PCDHA5: variants seen among roughly 807,000 people sequenced by gnomAD.
The protein encoded by PCDHA5 is protocadherin alpha-5.
A neutral mutation model predicts 61.6 loss-of-function variants in PCDHA5; 43 were observed. That is an observed-to-expected ratio of 0.70 (90% CI 0.55 to 0.90). PCDHA5 has a LOEUF of 0.90. Ranked by LOEUF, PCDHA5 falls within the 40% of genes least tolerant of loss-of-function variation. The pLI is 0.00. For missense variants in PCDHA5, 1,298 were observed against 1,222.7 expected, an observed-to-expected ratio of 1.06 and a Z score of -0.92; for synonymous variants, 627 against 543.9, an observed-to-expected ratio of 1.15 and a Z score of -2.13.
chr5:140,837,239 ATTTATCTTCTT>A (rs1411047562), intron 1 of PCDHA5: 4 of 152,014 alleles, frequency 2.6e-5, no homozygotes, highest in Non-Finnish European at 1.5e-5. Context: ...TTTTACATCT[ATTTATCTTCTT>A]TTTATCATAT....
chr5:140,926,892 G>A (rs781956892), intron 1 of PCDHA5: 10 of 1,546,640 alleles, frequency 6.5e-6, no homozygotes, highest in African/African-American at 2.7e-5. Context: ...CTAGAGGGAG[G>A]ATGGTGGGCT....
rs533995955 is a variant in PCDHA5, at chr5:140,975,833, A to T, written c.2353-3116A>T. On this transcript the variant is annotated intron_variant, in intron 1 of 3. Coordinates refer to ENST00000529859, the MANE Select transcript of PCDHA5 (RefSeq NM_018908.3). ...TTAATAGGAACTGAAGTGTATTCTT[A>T]TTCTTCAGTAATACTACATCACCCA... 2.6e-5 allele frequency among the ~76,000 whole-genome samples: 4 copies of T among 152,336 alleles called. No individual in the cohort carries two copies. In the South Asian group the frequency reaches 8.3e-4, roughly 32 times the overall value.
chr5:140,996,262 C>G (rs943119390), intron 3 of PCDHA5, among the ~76,000 whole-genome samples: 1 of 152,182 alleles, frequency 6.6e-6, no homozygotes. Flanking sequence ...CAACACAGAG[C>G]CTGGGATTGC....
At chr5:140,875,906 C>T in intron 1 of PCDHA5, 1 of 1,614,204 alleles carries the variant, frequency 6.2e-7, no homozygotes, top group East Asian at 2.2e-5. Flanking sequence ...GTTTCTGAAT[C>T]TGCGCCTCTG....
intron 1 of PCDHA5, chr5:140,864,163 C>T (rs2048345363): frequency 6.6e-6 from 1 of 152,054 alleles, no homozygotes; most frequent in South Asian, 2.1e-4. Context: ...TTAAATCTTA[C>T]CGGAAGGATC....
intron 3 of PCDHA5, among the ~76,000 whole-genome samples, chr5:140,991,807 C>T (rs782693963): frequency 4.6e-5 from 7 of 152,278 alleles, no homozygotes; most frequent in Admixed American, 6.5e-5. Context: ...AGGCCACTTC[C>T]GCATTTTTAG....
chr5:140,857,031 C>T (rs782539359), intron 1 of PCDHA5: 1 of 1,596,318 alleles, frequency 6.3e-7, no homozygotes, highest in Non-Finnish European at 8.6e-7. Flanking sequence ...GGAAACCCAC[C>T]TATGGTTGGT....
At chr5:140,925,690 G>A (rs1029124411) in intron 1 of PCDHA5, among the ~76,000 whole-genome samples, 6 of 149,642 alleles carry the variant, frequency 4.0e-5, no homozygotes, top group African/African-American at 7.4e-5. Context: ...GCGAGGGTGG[G>A]TATCTAGCCT....
Position 140,884,467 on chromosome 5 carries a change from G to C in PCDHA5, c.2352+60340G>C, listed in dbSNP as rs199814121. 11 of 1,613,778 alleles carry C rather than the reference G, an allele frequency of 6.8e-6. No homozygotes were observed. The South Asian group carries it at 8.8e-5, about 13-fold the overall frequency. On this transcript the variant is annotated intron_variant, in intron 1 of 3. Transcript: ENST00000529859. ...CACCGCCCACCGAGGGCGCGTGCGC[G>C]CCGGGCAAGCCCACTCTAGTGTGCT...
chr5:140,968,489 C>T (rs1024952304), intron 1 of PCDHA5: 30 of 1,614,008 alleles, frequency 1.9e-5, no homozygotes, highest in Non-Finnish European at 2.5e-5. Context: ...CATGAATGAC[C>T]ATGCCCCTCA....
chr5:140,936,820 T>C (rs2091164037), intron 1 of PCDHA5, among the ~76,000 whole-genome samples: 1 of 152,236 alleles, frequency 6.6e-6, no homozygotes, highest in Non-Finnish European at 1.5e-5. Flanking sequence ...TTTTTGGCCC[T>C]TTGCATTTCT....
intron 3 of PCDHA5, among the ~76,000 whole-genome samples, chr5:140,982,908 C>A (rs1554244948): frequency 2.0e-5 from 3 of 151,668 alleles, no homozygotes; most frequent in Non-Finnish European, 2.9e-5. Flanking sequence ...GCCTTATGCA[C>A]AGAGATGACA....
At chr5:140,871,311 C>T (rs782501180) in intron 1 of PCDHA5, 9 of 1,613,922 alleles carry the variant, frequency 5.6e-6, no homozygotes, top group Non-Finnish European at 7.6e-6. Flanking sequence ...CGGGGAAGCC[C>T]ACGCTGGTGT....
In PCDHA5 at chr5:140,868,915, G is replaced by C. The variant is rs1164548445; in HGVS notation, c.2352+44788G>C. On this transcript the variant is annotated intron_variant, in intron 1 of 3. Coordinates refer to ENST00000529859, the MANE Select transcript of PCDHA5 (RefSeq NM_018908.3). ...GCAAGGTGTCGCTCTTTACTTGGTG[G>C]AAAGTTCATTTAAAGGTTGGTCTGA... The C allele has an allele frequency of 7.4e-6, 7 of 948,738 alleles. No individual in the cohort carries two copies. In the East Asian group the frequency reaches 1.6e-4, roughly 22 times the overall value. The allele number at this position is 948,738 out of a possible 1,614,324, so 58.8% of individuals were successfully genotyped here. A position where few individuals can be genotyped will look rare whatever the true frequency, so the allele number is the denominator to read the frequency against.
chr5:140,835,568 C>G lies in PCDHA5; in HGVS notation c.2352+11441C>G, dbSNP rs2150238425. ...GCTCCCTGACGCCCCGCGTTCCCTT[C>G]AAGTTGGTGTCCACCTTCAAGAATT... On this transcript the variant is annotated intron_variant, in intron 1 of 3. Coordinates refer to ENST00000529859, the MANE Select transcript of PCDHA5 (RefSeq NM_018908.3). 2.5e-6 allele frequency: 4 copies of G among 1,613,812 alleles called. No homozygotes were observed. The highest frequency in any genetic ancestry group is 3.4e-6 in the Non-Finnish European group (4 of 1,179,876).
chr5:140,952,565 C>T (rs1255567969), intron 1 of PCDHA5, among the ~76,000 whole-genome samples: 3 of 152,142 alleles, frequency 2.0e-5, no homozygotes, highest in African/African-American at 4.8e-5. Flanking sequence ...ATCAGCACTT[C>T]GGTCCCAATC....
chr5:140,837,423 A>T (rs1278858635), intron 1 of PCDHA5, among the ~76,000 whole-genome samples: 3 of 151,962 alleles, frequency 2.0e-5, no homozygotes, highest in African/African-American at 7.3e-5. Flanking sequence ...TCAAAATTTC[A>T]AAGAGTGAAA....
chr5:140,862,984 G>A (rs1420012474), intron 1 of PCDHA5: 1 of 546,626 alleles, frequency 1.8e-6, no homozygotes, highest in Non-Finnish European at 3.6e-6. Context: ...TGGTGGCGAA[G>A]GTGCGCACGG....
At chr5:140,987,239 G>T (rs1005484275) in intron 3 of PCDHA5, among the ~76,000 whole-genome samples, 6 of 151,586 alleles carry the variant, frequency 4.0e-5, no homozygotes, top group East Asian at 1.9e-4. Flanking sequence ...AATAAATAAA[G>T]AAAGAAAGAC....
Sources: allele counts gnomAD v4.1 joint callset (sites outside exome capture counted in the v4.1 genomes callset), GRCh38; gene constraint gnomAD v4.1.1; transcripts MANE v1.5; gene names NCBI Gene and HGNC (gene_info 2026-07-23, HGNC 2026-07-21).